The following CNTN4 variants were observed in gnomAD, a reference collection of about 807,000 sequenced individuals.
CNTN4 encodes the protein contactin-4.
Under a neutral mutation model 122.5 loss-of-function variants are expected in CNTN4, and 77 were observed. The ratio of observed to expected loss-of-function variants is 0.63; its 90% CI spans 0.52 to 0.76. The LOEUF (loss-of-function observed/expected upper bound fraction) is 0.76, where lower values mean the gene tolerates loss of function less well. CNTN4 is among the 30% of genes least tolerant of loss of function. CNTN4 has a pLI of 0.00. For synonymous variants in CNTN4, 512 were observed against 447.0 expected, an observed-to-expected ratio of 1.15 and a Z score of -1.83; for missense variants, 1,256 against 1,259.1, an observed-to-expected ratio of 1.00 and a Z score of 0.04.
chr3:2,776,256 G>A (rs568664621), intron 6 of CNTN4, among the ~76,000 whole-genome samples: 2 of 129,360 alleles, frequency 1.5e-5, no homozygotes, highest in African/African-American at 5.6e-5. Flanking sequence ...ACAGCAATTT[G>A]ATTGGTTATA....
At chr3:2,663,273 G>A (rs1285720975) in intron 4 of CNTN4, among the ~76,000 whole-genome samples, 1 of 152,124 alleles carries the variant, frequency 6.6e-6, no homozygotes, top group Non-Finnish European at 1.5e-5. Context: ...TATATAATAG[G>A]AATAGATAAT....
rs369118506 is a variant in CNTN4 at position 2,438,266 on chromosome 3, TC to T, written c.-89+99036del. On this transcript the variant is annotated intron_variant, in intron 3 of 24. Coordinates refer to ENST00000418658, the MANE Select transcript of CNTN4 (RefSeq NM_175607.3). ...TGGGCACGGTTGCTCACGCTAGTAA[TC>T]CCAGCCCTTTGGGAGGCCGAGGCAG... Among the ~76,000 whole-genome samples the T allele has an allele frequency of 1.8e-4, 27 of 152,300 alleles. No homozygotes were observed. The South Asian group carries it at 5.0e-3, about 28-fold the overall frequency.
intron 3 of CNTN4, among the ~76,000 whole-genome samples, chr3:2,435,287 C>G (rs769346474): frequency 5.7e-4 from 86 of 152,086 alleles, no homozygotes; most frequent in Non-Finnish European, 3.8e-4. Context: ...GCTCAAGTCC[C>G]TTATATAAAA....
intron 2 of CNTN4, among the ~76,000 whole-genome samples, chr3:2,117,978 A>C (rs1233138416): frequency 6.8e-6 from 1 of 147,760 alleles, no homozygotes; most frequent in Non-Finnish European, 1.5e-5. Flanking sequence ...ATTATAATAA[A>C]AACTTTTTCT....
chr3:2,872,025 GTTA>G (rs768362303), intron 8 of CNTN4, among the ~76,000 whole-genome samples: 1 of 152,124 alleles, frequency 6.6e-6, no homozygotes, highest in Non-Finnish European at 1.5e-5. Context: ...ATACATCATG[GTTA>G]TTATTAGTAC....
intron 13 of CNTN4, among the ~76,000 whole-genome samples, chr3:2,950,592 G>A (rs1238785993): frequency 2.6e-5 from 4 of 152,308 alleles, no homozygotes; most frequent in Non-Finnish European, 5.9e-5. Flanking sequence ...GCAAAATGGT[G>A]CGCATTGCCC....
intron 4 of CNTN4, among the ~76,000 whole-genome samples, chr3:2,683,608 G>T (rs1377045566): frequency 1.3e-5 from 2 of 151,548 alleles, no homozygotes; most frequent in African/African-American, 4.9e-5. Flanking sequence ...TGAAGATGAT[G>T]ATGATTAACA....
chr3:2,519,648 C>T (rs1269938482), intron 3 of CNTN4, among the ~76,000 whole-genome samples: 1 of 152,198 alleles, frequency 6.6e-6, no homozygotes, highest in Non-Finnish European at 1.5e-5. Flanking sequence ...AATAGGGAGT[C>T]CACAGGGTCT....
At chr3:2,270,157 G>A (rs1307678334) in intron 2 of CNTN4, among the ~76,000 whole-genome samples, 1 of 46,946 alleles carries the variant, frequency 2.1e-5, no homozygotes, top group African/African-American at 5.4e-5. Flanking sequence ...CACCTTGTTA[G>A]CCAGGATGGT....
At chr3:2,360,107 A>G (rs2045060599) in intron 3 of CNTN4, among the ~76,000 whole-genome samples, 1 of 152,156 alleles carries the variant, frequency 6.6e-6, no homozygotes. Flanking sequence ...ATGACTATTT[A>G]TTGTGATTAG....
At chr3:2,419,678 T>C (rs574157544) in intron 3 of CNTN4, among the ~76,000 whole-genome samples, 12 of 152,214 alleles carry the variant, frequency 7.9e-5, no homozygotes, top group African/African-American at 2.2e-4. Flanking sequence ...AAACATAACA[T>C]AGTGTCATGC....
At chr3:2,880,090 C>T (rs922250801) in intron 8 of CNTN4, among the ~76,000 whole-genome samples, 3 of 152,166 alleles carry the variant, frequency 2.0e-5, no homozygotes, top group Non-Finnish European at 2.9e-5. Flanking sequence ...GACATTGCAT[C>T]TCTGCGTTGC....
intron 3 of CNTN4, among the ~76,000 whole-genome samples, chr3:2,387,813 T>C (rs1053234701): frequency 2.6e-5 from 4 of 152,230 alleles, no homozygotes; most frequent in African/African-American, 9.6e-5. Flanking sequence ...CCACCCATTA[T>C]ACGTGAACTA....
intron 3 of CNTN4, among the ~76,000 whole-genome samples, chr3:2,353,846 C>T (rs2044750585): frequency 6.6e-6 from 1 of 151,950 alleles, no homozygotes. Context: ...TTGCAGTGAG[C>T]CAAGATGGCG....
chr3:2,335,919 T>C (rs142850375), intron 2 of CNTN4, among the ~76,000 whole-genome samples: 4 of 152,282 alleles, frequency 2.6e-5, no homozygotes, highest in Non-Finnish European at 5.9e-5. Flanking sequence ...CATTCAATCA[T>C]TGAGCATACA....
intron 3 of CNTN4, among the ~76,000 whole-genome samples, chr3:2,345,292 C>A (rs1460251584): frequency 6.6e-6 from 1 of 151,778 alleles, no homozygotes; most frequent in Non-Finnish European, 1.5e-5. Flanking sequence ...TTTAGAGATT[C>A]TTTTTTAAAA....
chr3:2,325,860 T>C (rs2043436842), intron 2 of CNTN4, among the ~76,000 whole-genome samples: 1 of 152,166 alleles, frequency 6.6e-6, no homozygotes, highest in African/African-American at 2.4e-5. Context: ...TAATTAGAGG[T>C]GTATGCTTTA....
chr3:2,300,219 A>G (rs1210658647), intron 2 of CNTN4, among the ~76,000 whole-genome samples: 1 of 152,220 alleles, frequency 6.6e-6, no homozygotes. Context: ...AACTTTTCTT[A>G]GGATTTAGCT....
At chr3:3,049,753 A>C (rs1201506746) in intron 23 of CNTN4, among the ~76,000 whole-genome samples, 1 of 152,212 alleles carries the variant, frequency 6.6e-6, no homozygotes, top group African/African-American at 2.4e-5. Flanking sequence ...GGAATGTCCC[A>C]AGTACTGCAA....
Sources: allele counts gnomAD v4.1 joint callset (sites outside exome capture counted in the v4.1 genomes callset), GRCh38; gene constraint gnomAD v4.1.1; transcripts MANE v1.5; gene names NCBI Gene and HGNC (gene_info 2026-07-23, HGNC 2026-07-21).